The following PLCG1 variants were observed in gnomAD, a reference collection of about 807,000 sequenced individuals.
PLCG1 encodes 1-phosphatidylinositol 4,5-bisphosphate phosphodiesterase gamma-1.
PLCG1 carries 71 observed loss-of-function variants against 177.8 expected under a neutral mutation model. The ratio of observed to expected loss-of-function variants is 0.40; its 90% confidence interval spans 0.33 to 0.49. PLCG1 has a LOEUF of 0.49. Ranked by LOEUF, PLCG1 falls within the 20% of genes least tolerant of loss-of-function variation. The pLI, the probability that PLCG1 is intolerant of heterozygous loss-of-function variation, is 0.72. For missense variants in PLCG1, 1,281 were observed against 1,709.0 expected (o/e 0.75, Z 4.42); for synonymous variants, 658 against 647.9 (o/e 1.02, Z -0.24).
chr20:41,169,028 C>T (rs1161660176), intron 21 of PLCG1, 51 bp from the exon 22 acceptor site: 5 of 1,433,450 alleles, frequency 3.5e-6, no homozygotes, highest in Non-Finnish European at 4.9e-6. Context: ...ATACCCTCCT[C>T]ATGGGAGTTC....
rs188886607 is a variant in PLCG1, at chr20:41,174,812, G to A, written c.*303G>A. 6 of 416,304 alleles carry A rather than the reference G, an allele frequency of 1.4e-5. No homozygotes were observed. The highest frequency in any genetic ancestry group is 7.6e-5 in the Admixed American group (2 of 26,232). The allele number at this position is 416,304 out of a possible 1,614,324, so 25.8% of individuals were successfully genotyped here. A position where few individuals can be genotyped will look rare whatever the true frequency, so the allele number is the denominator to read the frequency against. On this transcript the variant is annotated 3_prime_UTR_variant, in exon 32 of 32. Coordinates refer to ENST00000685551, the MANE Select transcript of PLCG1 (RefSeq NM_002660.3). This position sits in a 1 kb window ranked among gnomAD's most constrained non-coding sequence, Gnocchi z 5.8. The stretch of plus-strand genomic sequence containing the variant: ...ATCTTGTGGGGCCAGGACCATGGCC[G>A]AAGCCCCTTGGAGAGAGAGGCTGCC...
In PLCG1 at chr20:41,156,977, T is replaced by C. The variant is rs1440250396; in HGVS notation, c.218-2629T>C. Among the ~76,000 whole-genome samples the C allele has an allele frequency of 6.6e-6, 1 of 152,202 alleles. No individual in the cohort carries two copies. The highest frequency in any genetic ancestry group is 1.5e-5 in the Non-Finnish European group (1 of 68,036). ...GGTGAGGTTGGGAGGTAGCACAGGA[T>C]GTGGCTTTCAAGAACCTAGTAGAGC... On this transcript the variant is annotated intron_variant, in intron 1 of 31. Transcript: ENST00000685551. This position sits in a 1 kb window ranked among gnomAD's most constrained non-coding sequence, Gnocchi z 5.0.
Position 41,175,052 on chromosome 20 carries a change from C to T in PLCG1, c.*543C>T. On this transcript the variant is annotated 3_prime_UTR_variant, in exon 32 of 32. Transcript: ENST00000685551. ...CTGCATGGAGAAGGGTTCTGCCCTG[C>T]CTGAGGAGGAGGACACAGCACAAGG... 1 of 155,644 alleles carries T rather than the reference C, an allele frequency of 6.4e-6. No individual in the cohort carries two copies. Among genetic ancestry groups the T allele is most frequent in the Non-Finnish European group, 1.4e-5 (1 of 70,058 alleles). 9.6% of individuals were successfully genotyped at this position (155,644 alleles called of 1,614,324 possible).
chr20:41,172,131 G>C lies in PLCG1; in HGVS notation c.2809-62G>C, dbSNP rs1468167529. ...GTGTGGGCATGCCCAAGGTTGGCAG[G>C]GGCTTCCTTCTCCTGGGCAGGGCTG... On this transcript the variant is annotated intron_variant, in intron 24 of 31. Coordinates refer to ENST00000685551, the MANE Select transcript of PLCG1 (RefSeq NM_002660.3). The surrounding 1 kb of genome is among the most constrained non-coding windows in gnomAD (Gnocchi z 7.0). The C allele has an allele frequency of 1.5e-6, 2 of 1,350,344 alleles. No homozygotes were observed. The highest frequency in any genetic ancestry group is 4.6e-5 in the East Asian group (2 of 43,616). The allele number at this position is 1,350,344 out of a possible 1,614,324, so 83.6% of individuals were successfully genotyped here. A position where few individuals can be genotyped will look rare whatever the true frequency, so the allele number is the denominator to read the frequency against.
At chr20:41,141,426 C>T (rs951016995) in intron 1 of PLCG1, among the ~76,000 whole-genome samples, 12 of 152,216 alleles carry the variant, frequency 7.9e-5, no homozygotes, top group Non-Finnish European at 1.2e-4. Context: ...ATGAGGCAGG[C>T]GGGCTCAGAA....
intron 22 of PLCG1, 63 bp from the exon 23 acceptor site, chr20:41,169,394 G>T (rs932226166): frequency 7.0e-6 from 9 of 1,281,346 alleles, no homozygotes; most frequent in Non-Finnish European, 9.1e-6. Context: ...CATGCACACG[G>T]ATATCCCCTC....
At position 41,144,589 on chromosome 20, in the gene PLCG1, T is replaced by C. The variant is rs954288493; in HGVS notation, c.217+6731T>C. 1.3e-5 allele frequency among the ~76,000 whole-genome samples: 2 copies of C among 152,152 alleles called. No individual in the cohort carries two copies. Among genetic ancestry groups the C allele is most frequent in the Non-Finnish European group, 2.9e-5 (2 of 68,036 alleles). On this transcript the variant is annotated intron_variant, in intron 1 of 31. Coordinates refer to ENST00000685551, the MANE Select transcript of PLCG1 (RefSeq NM_002660.3). This position sits in a 1 kb window ranked among gnomAD's most constrained non-coding sequence, Gnocchi z 4.1. ...ACCCTCTTGACTTTCTGGTTTGTGG[T>C]GACACTTCCGCCTAAGCTTCTACAG...
rs2034985978 is a variant in PLCG1 at position 41,146,044 on chromosome 20, C to T, written c.217+8186C>T. Among the ~76,000 whole-genome samples the T allele has an allele frequency of 6.6e-6, 1 of 152,216 alleles. No homozygotes were observed. The highest frequency in any genetic ancestry group is 1.5e-5 in the Non-Finnish European group (1 of 68,036). ...CTCCTTTTTATAGTCCACATGTAGG[C>T]TTTGTGTATAGGCTCTGCTGCTTCC... On this transcript the variant is annotated intron_variant, in intron 1 of 31. Coordinates refer to ENST00000685551, the MANE Select transcript of PLCG1 (RefSeq NM_002660.3). The surrounding 1 kb of genome is among the most constrained non-coding windows in gnomAD (Gnocchi z 6.3).
chr20:41,140,227 G>T (rs1330789677), intron 1 of PLCG1, among the ~76,000 whole-genome samples: 4 of 152,198 alleles, frequency 2.6e-5, no homozygotes, highest in Non-Finnish European at 4.4e-5. Flanking sequence ...TGGGGGCTCA[G>T]ATTGAAAAGA....
chr20:41,161,452 C>T (rs944851350), intron 4 of PLCG1, among the ~76,000 whole-genome samples: 1 of 152,044 alleles, frequency 6.6e-6, no homozygotes, highest in East Asian at 1.9e-4. Flanking sequence ...ACAAGCTGTT[C>T]GTATGCTGAT....
At position 41,147,783 on chromosome 20, in the gene PLCG1, G is replaced by A. The variant is rs2035039136; in HGVS notation, c.217+9925G>A. ...TAATTGCTTGAACCCGGGAGGCAGA[G>A]GTTGCAGTGAGCCAAGATCGCGCCA... On this transcript the variant is annotated intron_variant, in intron 1 of 31. Transcript: ENST00000685551. This position sits in a 1 kb window ranked among gnomAD's most constrained non-coding sequence, Gnocchi z 4.0. Among the ~76,000 whole-genome samples, 1 of 152,060 alleles carries A rather than the reference G, an allele frequency of 6.6e-6. No homozygotes were observed. Among genetic ancestry groups the A allele is most frequent in the African/African-American group, 2.4e-5 (1 of 41,396 alleles).
At position 41,171,974 on chromosome 20, in the gene PLCG1, T is replaced by C. The variant is rs150223015; in HGVS notation, c.2809-219T>C. On this transcript the variant is annotated intron_variant, in intron 24 of 31. Transcript: ENST00000685551. ...CCCCCTAAGAGGGTTGGAGGGCAAA[T>C]GTGTCCTCTGGGACAGAAAAGAGGA... Among the ~76,000 whole-genome samples, 6 of 152,164 alleles carry C rather than the reference T, an allele frequency of 3.9e-5. No individual in the cohort carries two copies. In the East Asian group the frequency reaches 1.2e-3, roughly 29 times the overall value.
At position 41,172,395 on chromosome 20, in the gene PLCG1, G is replaced by A. The variant is rs754381464; in HGVS notation, c.2906-26G>A. The A allele has an allele frequency of 1.1e-5, 17 of 1,607,964 alleles. No individual in the cohort carries two copies. The highest frequency in any genetic ancestry group is 1.4e-5 in the Non-Finnish European group (16 of 1,174,496). Reference sequence around the variant, plus strand: ...AACACTTCCTGGGTGGGCGGGCTCTGTAAGTGTTTTCCCTGTTTGGCCCAG... The same window carrying A: ...AACACTTCCTGGGTGGGCGGGCTCTATAAGTGTTTTCCCTGTTTGGCCCAG... On this transcript the variant is annotated intron_variant, in intron 25 of 31. Coordinates refer to ENST00000685551, the MANE Select transcript of PLCG1 (RefSeq NM_002660.3). The surrounding 1 kb of genome is among the most constrained non-coding windows in gnomAD (Gnocchi z 7.0).
At position 41,172,681 on chromosome 20, in the gene PLCG1, C is replaced by T; in HGVS notation, c.3130+36C>T. On this transcript the variant is annotated intron_variant, in intron 26 of 31. Transcript: ENST00000685551. This position sits in a 1 kb window ranked among gnomAD's most constrained non-coding sequence, Gnocchi z 7.0. The stretch of plus-strand genomic sequence containing the variant: ...CCCCTGTGAGGAGGGTGAGGAGGGG[C>T]ACTGTGGGGCAGCTGGACTGGAATA... The T allele has an allele frequency of 6.2e-7, 1 of 1,612,496 alleles. No homozygotes were observed. The highest frequency in any genetic ancestry group is 8.5e-7 in the Non-Finnish European group (1 of 1,178,980).
At position 41,154,499 on chromosome 20, in the gene PLCG1, G is replaced by A. The variant is rs2035259493; in HGVS notation, c.218-5107G>A. ...TTCCTGCTGTCCTTGAACTCTGCCG[G>A]GGCAACAGGAATACTGCCCTTATGC... is the stretch of plus-strand genomic sequence containing the variant. On this transcript the variant is annotated intron_variant, in intron 1 of 31. Transcript: ENST00000685551. Among the ~76,000 whole-genome samples the A allele has an allele frequency of 2.0e-5, 3 of 152,124 alleles. No homozygotes were observed. The South Asian group carries it at 6.2e-4, about 31-fold the overall frequency.
chr20:41,169,863 G>A (rs937102459), intron 23 of PLCG1, among the ~76,000 whole-genome samples: 3 of 152,162 alleles, frequency 2.0e-5, no homozygotes, highest in Non-Finnish European at 2.9e-5. Context: ...AGGGAGACAC[G>A]GCCTGAGGAA....
chr20:41,166,791 C>G lies in PLCG1; in HGVS notation c.2233C>G (p.Pro745Ala), dbSNP rs776446599. The G allele has an allele frequency of 7.4e-6, 12 of 1,613,974 alleles. No homozygotes were observed. The highest frequency in any genetic ancestry group is 1.0e-5 in the Non-Finnish European group (12 of 1,180,012). ...VDLISYYEKH[P>A]LYRKMKLRYP... ...CCTCATCAGCTACTATGAGAAACAC[C>G]CGCTATACCGCAAGATGAAGCTGCG... Residue 745 changes from proline (P) to alanine (A), a missense_variant, in exon 19 of 32, where the codon CCG becomes GCG. Transcript: ENST00000685551. The surrounding 1 kb of genome is among the most constrained non-coding windows in gnomAD (Gnocchi z 8.6).
At chr20:41,168,923 G>GC in intron 21 of PLCG1, 53 bp downstream of exon 21, 1 of 1,332,442 alleles carries the variant, frequency 7.5e-7, no homozygotes, top group Non-Finnish European at 1.1e-6. Flanking sequence ...TGGAGCTGGG[G>GC]CCCCAAAGAC....
chr20:41,162,239 T>TTG (rs1555813882), intron 4 of PLCG1: 16 of 263,766 alleles, frequency 6.1e-5, no homozygotes, highest in African/African-American at 7.2e-5. Context: ...GTTTTTGTTT[T>TTG]TTTTTTTTTT....
Sources: gnomAD v4.1 joint callset for allele counts (sites outside exome capture counted in the v4.1 genomes callset) on GRCh38, gnomAD v4.1.1 for gene constraint, Gnocchi (gnomAD v3.1) non-coding constraint, MANE v1.5 for transcripts, NCBI Gene and HGNC (gene_info 2026-07-23, HGNC 2026-07-21) for gene names.